The following GALNT17 variants were observed in gnomAD, a reference collection of about 807,000 sequenced individuals.
GALNT17 encodes the protein UDP-GalNAc:polypeptide N-acetylgalactosaminyltransferase-like 3.
A neutral mutation model predicts 63.7 loss-of-function variants in GALNT17; 29 were observed. That is an observed-to-expected ratio of 0.46 (90% CI 0.34 to 0.62). GALNT17 has a LOEUF of 0.62. Ranked by LOEUF, GALNT17 falls within the 20% of genes least tolerant of loss-of-function variation. GALNT17 has a pLI of 0.01. For synonymous variants in GALNT17, 305 were observed against 318.3 expected (o/e 0.96, Z 0.45); for missense variants, 603 against 799.6 (o/e 0.75, Z 2.97).
chr7:71,146,218 C>T (rs1788020272), intron 1 of GALNT17, among the ~76,000 whole-genome samples: 1 of 152,030 alleles, frequency 6.6e-6, no homozygotes, highest in Non-Finnish European at 1.5e-5. Context: ...AGATTTGTTC[C>T]TCCCCGGGTG....
Position 71,132,678 on chromosome 7 carries a change from C to G in GALNT17, c.-125C>G. On this transcript the variant is annotated 5_prime_UTR_variant, in exon 1 of 11. Coordinates refer to ENST00000333538, the MANE Select transcript of GALNT17 (RefSeq NM_022479.3). ...CCGCCCGAGCATCCTTGAGGTGGGA[C>G]GAGCAGGGGCTTGGATCCCTGCCGG... The G allele has an allele frequency of 2.6e-6, 2 of 761,526 alleles. No individual in the cohort carries two copies. The highest frequency in any genetic ancestry group is 2.9e-5 in the East Asian group (1 of 34,678). 47.2% of individuals were successfully genotyped at this position (761,526 alleles called of 1,614,324 possible).
chr7:71,289,273 T>C (rs1790934268), intron 1 of GALNT17, among the ~76,000 whole-genome samples: 1 of 151,720 alleles, frequency 6.6e-6, no homozygotes, highest in Non-Finnish European at 1.5e-5. Context: ...GCATAATTAA[T>C]AAGGAAATAA....
At chr7:71,477,878 CA>C (rs2116632830) in intron 5 of GALNT17, among the ~76,000 whole-genome samples, 1 of 152,226 alleles carries the variant, frequency 6.6e-6, no homozygotes, top group African/African-American at 2.4e-5. Flanking sequence ...CCCATTTCTG[CA>C]AATCTTGCCG....
chr7:71,484,222 TC>T (rs1445188912), intron 5 of GALNT17, among the ~76,000 whole-genome samples: 2 of 152,204 alleles, frequency 1.3e-5, no homozygotes, highest in African/African-American at 4.8e-5. Context: ...ATGCGGTGGC[TC>T]ATGCCTATAA....
intron 6 of GALNT17, among the ~76,000 whole-genome samples, chr7:71,642,828 C>T (rs1029024823): frequency 6.9e-6 from 1 of 145,670 alleles, no homozygotes; most frequent in South Asian, 2.2e-4. Context: ...GAGTGAGACT[C>T]TGTCTCAAAA....
chr7:71,616,818 T>C lies in GALNT17; in HGVS notation c.1080+45416T>C, dbSNP rs377219124. Among the ~76,000 whole-genome samples the C allele has an allele frequency of 8.3e-4, 116 of 140,458 alleles. No individual in the cohort carries two copies. In the South Asian group the frequency reaches 0.013, roughly 16 times the overall value. The allele number at this position is 140,458 out of a possible 152,430, so 92.1% of individuals were successfully genotyped here. ...TATTAGTGTATACATTAGTTAATTA[T>C]ATAATCATATTATATATTATAATTA... On this transcript the variant is annotated intron_variant, in intron 6 of 10. Coordinates refer to ENST00000333538, the MANE Select transcript of GALNT17 (RefSeq NM_022479.3).
chr7:71,545,256 CAT>C (rs1214249285), intron 5 of GALNT17, among the ~76,000 whole-genome samples: 8 of 152,090 alleles, frequency 5.3e-5, no homozygotes, highest in Non-Finnish European at 1.0e-4. Context: ...CTATTTTTCA[CAT>C]CTCTCTGTTT....
intron 6 of GALNT17, among the ~76,000 whole-genome samples, chr7:71,639,230 C>G (rs1790571170): frequency 6.6e-6 from 1 of 152,030 alleles, no homozygotes; most frequent in Admixed American, 6.6e-5. Flanking sequence ...TGTGTACCCA[C>G]AAAAATTAAC....
chr7:71,389,625 A>G (rs1226892711), intron 3 of GALNT17, among the ~76,000 whole-genome samples: 1 of 152,142 alleles, frequency 6.6e-6, no homozygotes, highest in African/African-American at 2.4e-5. Flanking sequence ...ATGGATCTAG[A>G]TGAACTTCCT....
In GALNT17 at chr7:71,678,248, C is replaced by T. The variant is rs180951615; in HGVS notation, c.1500+942C>T. On this transcript the variant is annotated intron_variant, in intron 9 of 10. Coordinates refer to ENST00000333538, the MANE Select transcript of GALNT17 (RefSeq NM_022479.3). ...CAAGCGATTCTCCTGCCTCAGCCTC[C>T]TGAGTAGCTGAGATTACAGGCTTGC... 5.2e-3 allele frequency among the ~76,000 whole-genome samples: 794 copies of T among 152,018 alleles called. 9 individuals carry two copies. The highest frequency in any genetic ancestry group is 0.018 in the African/African-American group (751 of 41,514).
intron 1 of GALNT17, among the ~76,000 whole-genome samples, chr7:71,238,933 G>A (rs1789944067): frequency 6.6e-6 from 1 of 152,148 alleles, no homozygotes; most frequent in East Asian, 1.9e-4. Flanking sequence ...GGAGAACTCA[G>A]CTGCCACACC....
intron 1 of GALNT17, among the ~76,000 whole-genome samples, chr7:71,209,398 T>G (rs1430415551): frequency 6.6e-6 from 1 of 152,244 alleles, no homozygotes; most frequent in Non-Finnish European, 1.5e-5. Context: ...AATTATGTAT[T>G]TATTTGTTTA....
chr7:71,701,509 T>C (rs1448654097), intron 9 of GALNT17, among the ~76,000 whole-genome samples: 2 of 150,712 alleles, frequency 1.3e-5, no homozygotes, highest in Admixed American at 6.6e-5. Flanking sequence ...AAAAAGAATA[T>C]GACATTTAAG....
At chr7:71,368,002 G>A (rs1389347025) in intron 2 of GALNT17, among the ~76,000 whole-genome samples, 2 of 152,168 alleles carry the variant, frequency 1.3e-5, no homozygotes, top group Non-Finnish European at 2.9e-5. Flanking sequence ...GACTGCCCAC[G>A]GAAGATGTCT....
intron 5 of GALNT17, among the ~76,000 whole-genome samples, chr7:71,534,033 T>C (rs546733550): frequency 1.3e-5 from 2 of 152,280 alleles, no homozygotes; most frequent in South Asian, 2.1e-4. Flanking sequence ...AATTCCCTGA[T>C]ACCGTCTGGG....
chr7:71,665,065 C>T (rs1374558240), intron 6 of GALNT17, among the ~76,000 whole-genome samples: 1 of 152,148 alleles, frequency 6.6e-6, no homozygotes, highest in Admixed American at 6.5e-5. Flanking sequence ...GCAACCTCCA[C>T]CTCCCGGGTT....
At chr7:71,532,402 C>G (rs1265560163) in intron 5 of GALNT17, among the ~76,000 whole-genome samples, 1 of 152,124 alleles carries the variant, frequency 6.6e-6, no homozygotes, top group Non-Finnish European at 1.5e-5. Flanking sequence ...AGAGACAGAT[C>G]ATTTGCACGA....
chr7:71,509,923 A>G (rs1407001461), intron 5 of GALNT17, among the ~76,000 whole-genome samples: 1 of 147,818 alleles, frequency 6.8e-6, no homozygotes, highest in East Asian at 2.0e-4. Flanking sequence ...TGTACATGAC[A>G]TGCAATTCTC....
chr7:71,670,149 TC>T (rs1297380828), intron 8 of GALNT17, 40 bp downstream of exon 8: 1 of 1,613,274 alleles, frequency 6.2e-7, no homozygotes, highest in Non-Finnish European at 8.5e-7. Flanking sequence ...GGAATGCTGT[TC>T]AATATGCTGT....
Sources: gnomAD v4.1 joint callset for allele counts (sites outside exome capture counted in the v4.1 genomes callset) on GRCh38, gnomAD v4.1.1 for gene constraint, MANE v1.5 for transcripts, NCBI Gene and HGNC (gene_info 2026-07-23, HGNC 2026-07-21) for gene names.